SLC19A1: variants seen among roughly 807,000 people sequenced by gnomAD.
The protein encoded by SLC19A1 is solute carrier family 19 member 1.
In SLC19A1, 37 loss-of-function variants were observed where a neutral mutation model predicts 35.3. The ratio of observed to expected loss-of-function variants is 1.05; its 90% CI spans 0.81 to 1.38. The LOEUF (loss-of-function observed/expected upper bound fraction) is 1.38, where lower values mean the gene tolerates loss of function less well. Ranked by LOEUF, SLC19A1 falls within the 40% of genes most tolerant of loss-of-function variation. The probability of loss-of-function intolerance (pLI) is 0.00; values close to 1 mark genes in which losing one functional copy is unlikely to be tolerated. For synonymous variants in SLC19A1, 460 were observed against 398.5 expected (o/e 1.15, Z -1.84); for missense variants, 831 against 826.9 (o/e 1.00, Z -0.06).
At chr21:45,529,920 A>AGT (rs370176024) in intron 4 of SLC19A1, among the ~76,000 whole-genome samples, 1,550 of 136,276 alleles carry the variant, frequency 0.011, 14 homozygotes, top group South Asian at 0.023. Context: ...TGTCCCTGTG[A>AGT]GTGTGTGTGT....
At chr21:45,538,106 G>A in intron 1 of SLC19A1, 98 bp from the exon 2 acceptor site, 1 of 638,016 alleles carries the variant, frequency 1.6e-6, no homozygotes, top group Non-Finnish European at 2.6e-6. Flanking sequence ...CGCCACTCAG[G>A]ACCAAACGCC....
intron 2 of SLC19A1, 77 bp downstream of exon 2, chr21:45,537,693 GC>G: frequency 1.3e-6 from 1 of 764,736 alleles, no homozygotes; most frequent in Non-Finnish European, 1.6e-6. Flanking sequence ...GCATCCCGGC[GC>G]CCACGTGCCT....
At chr21:45,511,360 A>G (rs898942093), downstream of SLC19A1, 6 of 682,012 alleles carry the variant, frequency 8.8e-6, no homozygotes, top group Admixed American at 4.2e-5. Context: ...AAATTACAAA[A>G]TCCAAAAGAG....
At chr21:45,560,483 A>G (rs4145553) in intron 1 of SLC19A1, among the ~76,000 whole-genome samples, 25,636 of 106,862 alleles carry the variant, frequency 0.24, 450 homozygotes, top group African/African-American at 0.27. Flanking sequence ...TCCACCACGC[A>G]GCAGGGAGGG....
intron 3 of SLC19A1, chr21:45,504,653 C>T (rs535913825): frequency 6.3e-5 from 68 of 1,082,964 alleles, no homozygotes; most frequent in Admixed American, 5.2e-4. Flanking sequence ...CCGCGAAGGC[C>T]GGAGCTGCCC....
intron 1 of SLC19A1, among the ~76,000 whole-genome samples, chr21:45,549,996 C>T (rs564878857): frequency 5.9e-5 from 9 of 152,136 alleles, no homozygotes; most frequent in East Asian, 5.8e-4. Flanking sequence ...TGCAGAGCCC[C>T]GAACTCTCTG....
At chr21:45,512,326 G>C, downstream of SLC19A1, 1 of 1,612,604 alleles carries the variant, frequency 6.2e-7, no homozygotes, top group Non-Finnish European at 8.5e-7. Flanking sequence ...TCCTGGGGCA[G>C]AGTGCCGCGA....
chr21:45,556,887 TGG>T (rs2078567907), intron 1 of SLC19A1, among the ~76,000 whole-genome samples: 1 of 150,934 alleles, frequency 6.6e-6, no homozygotes, highest in Non-Finnish European at 1.5e-5. Context: ...ACGTGTCTCC[TGG>T]GACGGCGACT....
chr21:45,559,969 G>A (rs914235), intron 1 of SLC19A1, among the ~76,000 whole-genome samples: 27 of 151,904 alleles, frequency 1.8e-4, no homozygotes, highest in Non-Finnish European at 5.9e-5. Flanking sequence ...GACAGGATCC[G>A]CATGTGAACA....
At position 45,540,377 on chromosome 21, in the gene SLC19A1, T is replaced by C. The variant is rs530826283; in HGVS notation, c.-50+1991A>G. On this transcript the variant is annotated intron_variant, in intron 1 of 5. Coordinates refer to ENST00000311124, the MANE Select transcript of SLC19A1 (RefSeq NM_194255.4). This position sits in a 1 kb window ranked among gnomAD's most constrained non-coding sequence, Gnocchi z 5.5. ...CGCCCACAGTCCATGGCCGCAGGAG[T>C]CAGATCCCCACCCACAGGACCCCCA... Among the ~76,000 whole-genome samples, 75 of 151,536 alleles carry C rather than the reference T, an allele frequency of 4.9e-4. 2 individuals carry two copies. The South Asian group carries it at 0.015, about 30-fold the overall frequency.
chr21:45,537,481 G>A (rs1366218782), intron 2 of SLC19A1, among the ~76,000 whole-genome samples: 1 of 141,734 alleles, frequency 7.1e-6, no homozygotes, highest in Non-Finnish European at 1.5e-5. Flanking sequence ...ACCCACAGGC[G>A]GCCGCCCAGC....
downstream of SLC19A1, chr21:45,512,348 G>T (rs956790490): frequency 6.2e-7 from 1 of 1,612,750 alleles, no homozygotes; most frequent in Non-Finnish European, 8.5e-7. Context: ...CTGCCATCAC[G>T]CCTACATCGT....
At chr21:45,527,938 C>CT (rs967307900) in intron 4 of SLC19A1, among the ~76,000 whole-genome samples, 2 of 94,644 alleles carry the variant, frequency 2.1e-5, no homozygotes, top group African/African-American at 7.6e-5. Flanking sequence ...CTGCAAAGTG[C>CT]TTAAAAAAAA....
chr21:45,521,652 G>A (rs937303567), intron 5 of SLC19A1, among the ~76,000 whole-genome samples: 1 of 152,152 alleles, frequency 6.6e-6, no homozygotes, highest in African/African-American at 2.4e-5. Flanking sequence ...GTGTGATATT[G>A]GTACAAGAGT....
intron 1 of SLC19A1, among the ~76,000 whole-genome samples, chr21:45,556,925 C>T (rs939913303): frequency 6.6e-6 from 1 of 152,160 alleles, no homozygotes; most frequent in African/African-American, 2.4e-5. Context: ...CCTGGGACGG[C>T]ACCTCAGACG....
At chr21:45,532,521 C>T (rs983258216) in intron 2 of SLC19A1, among the ~76,000 whole-genome samples, 3 of 152,206 alleles carry the variant, frequency 2.0e-5, no homozygotes, top group African/African-American at 7.2e-5. Flanking sequence ...GCAACCTCCA[C>T]CTCCCAGGTT....
chr21:45,510,232 C>A, downstream of SLC19A1: 1 of 1,606,376 alleles, frequency 6.2e-7, no homozygotes, highest in East Asian at 2.3e-5. Flanking sequence ...CCGTGCCGAC[C>A]GCGCAGCCGT....
chr21:45,505,078 C>A, intron 3 of SLC19A1: 2 of 1,582,314 alleles, frequency 1.3e-6, no homozygotes, highest in East Asian at 2.3e-5. Context: ...CAAGCTTGCC[C>A]GCCCCCAGTC....
chr21:45,511,170 G>T, downstream of SLC19A1: 1 of 1,602,070 alleles, frequency 6.2e-7, no homozygotes. Context: ...GTCCGCTGAA[G>T]CCCGGGGCAC....
Sources: gnomAD v4.1 joint callset for allele counts (sites outside exome capture counted in the v4.1 genomes callset) on GRCh38, gnomAD v4.1.1 for gene constraint, Gnocchi (gnomAD v3.1) non-coding constraint, MANE v1.5 for transcripts, NCBI Gene and HGNC (gene_info 2026-07-23, HGNC 2026-07-21) for gene names.